The following TSPAN9 variants were observed in gnomAD, a reference collection of about 807,000 sequenced individuals.
TSPAN9 encodes the protein tetraspanin 9.
A neutral mutation model predicts 31.0 loss-of-function variants in TSPAN9; 16 were observed. The ratio of observed to expected loss-of-function variants is 0.52; its 90% CI spans 0.35 to 0.78. TSPAN9 has a LOEUF of 0.78. Among genes scored for constraint, TSPAN9 ranks in the 30% least tolerant of loss-of-function variants. The probability of loss-of-function intolerance (pLI) is 0.01; values close to 1 mark genes in which losing one functional copy is unlikely to be tolerated. For missense variants in TSPAN9, 272 were observed against 312.5 expected (o/e 0.87, Z 0.98); for synonymous variants, 145 against 121.6 (o/e 1.19, Z -1.27).
chr12:3,136,502 A>G (rs546528761), intron 2 of TSPAN9, among the ~76,000 whole-genome samples: 3 of 152,280 alleles, frequency 2.0e-5, no homozygotes, highest in South Asian at 4.2e-4. Context: ...CAGAGAAGTG[A>G]AGGATGCCTC....
intron 2 of TSPAN9, among the ~76,000 whole-genome samples, chr12:3,089,971 A>T (rs925012762): frequency 6.6e-6 from 1 of 152,292 alleles, no homozygotes; most frequent in South Asian, 2.1e-4. Context: ...ATAAAAACTC[A>T]TTATAATATC....
intron 3 of TSPAN9, among the ~76,000 whole-genome samples, chr12:3,217,055 CCTGTTGCCCGG>C: frequency 6.6e-6 from 1 of 152,374 alleles, no homozygotes; most frequent in Admixed American, 6.5e-5. Flanking sequence ...CAGAGGGCAG[CCTGTTGCCCGG>C]CTGTTTAATT....
intron 2 of TSPAN9, among the ~76,000 whole-genome samples, chr12:3,135,601 G>A (rs2098331743): frequency 6.6e-6 from 1 of 152,154 alleles, no homozygotes; most frequent in African/African-American, 2.4e-5. Flanking sequence ...GGCTTGCTTG[G>A]TGGCCTTCTG....
At position 3,102,195 on chromosome 12, in the gene TSPAN9, C is replaced by T. The variant is rs535353652; in HGVS notation, c.-18+18476C>T. Among the ~76,000 whole-genome samples, 237 of 152,056 alleles carry T rather than the reference C, an allele frequency of 1.6e-3. 1 individual carries two copies. The highest frequency in any genetic ancestry group is 5.4e-3 in the African/African-American group (225 of 41,446). ...CTGGACTACTGTAGTGTGATCATGA[C>T]TCACTGCAACTTCTGACTCCTGGGT... On this transcript the variant is annotated intron_variant, in intron 2 of 8. Transcript: ENST00000011898.
At chr12:3,204,994 G>A (rs1189686040) in intron 3 of TSPAN9, among the ~76,000 whole-genome samples, 1 of 152,060 alleles carries the variant, frequency 6.6e-6, no homozygotes, top group African/African-American at 2.4e-5. Context: ...AGAGAAGAGC[G>A]TATAGGGGTG....
intron 2 of TSPAN9, among the ~76,000 whole-genome samples, chr12:3,099,495 T>A (rs2098310814): frequency 6.6e-6 from 1 of 152,240 alleles, no homozygotes; most frequent in Non-Finnish European, 1.5e-5. Flanking sequence ...ATCTCTGTTA[T>A]TTTTGGGTTT....
chr12:3,119,945 C>A (rs2098324310), intron 2 of TSPAN9, among the ~76,000 whole-genome samples: 1 of 152,108 alleles, frequency 6.6e-6, no homozygotes, highest in African/African-American at 2.4e-5. Context: ...GGCTGTGTGA[C>A]CATGTGCACG....
At chr12:3,266,417 C>G (rs1244747070) in intron 3 of TSPAN9, among the ~76,000 whole-genome samples, 1 of 152,198 alleles carries the variant, frequency 6.6e-6, no homozygotes, top group Non-Finnish European at 1.5e-5. Context: ...GGCACTCGTC[C>G]ACAGCCACAG....
rs768953234 is a variant in TSPAN9, at chr12:3,192,594, C to G, written c.-17-8583C>G. On this transcript the variant is annotated intron_variant, in intron 2 of 8. Transcript: ENST00000011898. The surrounding 1 kb of genome is among the most constrained non-coding windows in gnomAD (Gnocchi z 4.6). ...GGAGCACATCCGGGGCAAGGTCAGT[C>G]CCTCCTGGAGCTGTCTGGGAGACAG... 6.6e-6 allele frequency among the ~76,000 whole-genome samples: 1 copy of G among 152,100 alleles called. No homozygotes were observed. Among genetic ancestry groups the G allele is most frequent in the Non-Finnish European group, 1.5e-5 (1 of 68,014 alleles).
intron 3 of TSPAN9, among the ~76,000 whole-genome samples, chr12:3,219,114 G>T (rs1355464569): frequency 6.6e-6 from 1 of 152,220 alleles, no homozygotes. Context: ...GCGGCCGGGG[G>T]AGGCCGGACG....
At chr12:3,156,976 A>T (rs532031769) in intron 2 of TSPAN9, among the ~76,000 whole-genome samples, 3 of 152,328 alleles carry the variant, frequency 2.0e-5, no homozygotes, top group East Asian at 3.9e-4. Flanking sequence ...GAGTAACTAT[A>T]GTATTGATAA....
intron 3 of TSPAN9, chr12:3,215,211 G>A (rs901624636): frequency 2.6e-5 from 4 of 152,248 alleles, no homozygotes; most frequent in African/African-American, 9.7e-5. Flanking sequence ...GAAGGGTGGT[G>A]CCTTAAACTG....
chr12:3,248,576 A>C (rs558914562), intron 3 of TSPAN9, among the ~76,000 whole-genome samples: 1 of 151,908 alleles, frequency 6.6e-6, no homozygotes, highest in Non-Finnish European at 1.5e-5. Flanking sequence ...TGTAGTTTAC[A>C]GAGCATTTTT....
At chr12:3,141,740 C>T (rs925434956) in intron 2 of TSPAN9, among the ~76,000 whole-genome samples, 4 of 152,160 alleles carry the variant, frequency 2.6e-5, no homozygotes, top group Non-Finnish European at 5.9e-5. Flanking sequence ...GGCCGCTGGT[C>T]TAAAGGCTTT....
intron 2 of TSPAN9, among the ~76,000 whole-genome samples, chr12:3,100,464 G>C (rs2098311390): frequency 6.6e-6 from 1 of 152,224 alleles, no homozygotes. Context: ...CTGCCTCCAG[G>C]AAGTAAGCTG....
At chr12:3,260,790 GGGTGGAGGGAAGGGCGTGGCT>G (rs1161826253) in intron 3 of TSPAN9, among the ~76,000 whole-genome samples, 2 of 152,204 alleles carry the variant, frequency 1.3e-5, no homozygotes, top group African/African-American at 4.8e-5. Context: ...GAGTGGTGGA[GGGTGGAGGGAAGGGCGTGGCT>G]GGTGGAGGAC....
intron 2 of TSPAN9, among the ~76,000 whole-genome samples, chr12:3,148,350 C>A (rs1200934823): frequency 1.3e-5 from 2 of 152,210 alleles, no homozygotes; most frequent in Non-Finnish European, 2.9e-5. Context: ...AAGTTTTGGT[C>A]CCAAGTCAGT....
chr12:3,084,387 C>T (rs747756431), intron 2 of TSPAN9, among the ~76,000 whole-genome samples: 68 of 152,240 alleles, frequency 4.5e-4, no homozygotes, highest in Admixed American at 7.2e-4. Context: ...TTTTCTCCTG[C>T]GGCTTCTCCC....
At chr12:3,109,061 G>A (rs537053782) in intron 2 of TSPAN9, among the ~76,000 whole-genome samples, 46 of 151,842 alleles carry the variant, frequency 3.0e-4, no homozygotes, top group East Asian at 1.8e-3. Flanking sequence ...TCAGCCTCCC[G>A]AGTAGCTGGG....
Sources: allele counts gnomAD v4.1 joint callset (sites outside exome capture counted in the v4.1 genomes callset), GRCh38; gene constraint gnomAD v4.1.1; non-coding constraint Gnocchi (gnomAD v3.1); transcripts MANE v1.5; gene names NCBI Gene and HGNC (gene_info 2026-07-23, HGNC 2026-07-21).